The following SORBS2 variants were observed in gnomAD, a reference collection of about 807,000 sequenced individuals.
The protein encoded by SORBS2 is sorbin and SH3 domain containing 2.
SORBS2 carries 46 observed loss-of-function variants against 97.7 expected under a neutral mutation model. That is an observed-to-expected ratio of 0.47 (90% CI 0.37 to 0.60). SORBS2 has a LOEUF of 0.60. Ranked by LOEUF, SORBS2 falls within the 20% of genes least tolerant of loss-of-function variation. The pLI is 0.00. For synonymous variants in SORBS2, 476 were observed against 473.4 expected, an observed-to-expected ratio of 1.01 and a Z score of -0.07; for missense variants, 1,316 against 1,282.3, an observed-to-expected ratio of 1.03 and a Z score of -0.40.
At chr4:185,586,641 T>A (rs2095803968) in exon 15 of SORBS2, 1 of 152,688 alleles carries the variant, frequency 6.5e-6, no homozygotes, top group Non-Finnish European at 1.5e-5. Context: ...TTATATGTTC[T>A]CATACAATCT....
At chr4:185,937,752 A>G (rs75048596) in intron 1 of SORBS2, among the ~76,000 whole-genome samples, 5,782 of 152,254 alleles carry the variant, frequency 0.038, 376 homozygotes, top group African/African-American at 0.13. Flanking sequence ...TGAACACAGA[A>G]TGATGTGAAG....
At chr4:185,912,601 A>G (rs1252807143) in intron 1 of SORBS2, among the ~76,000 whole-genome samples, 3 of 151,172 alleles carry the variant, frequency 2.0e-5, no homozygotes, top group African/African-American at 7.3e-5. Context: ...AAAAAAAAAA[A>G]AAAAAAAAAA....
chr4:185,811,262 A>C (rs777507298), intron 1 of SORBS2, among the ~76,000 whole-genome samples: 3 of 152,226 alleles, frequency 2.0e-5, no homozygotes, highest in African/African-American at 4.8e-5. Flanking sequence ...CGAGGCTTAA[A>C]AAGAAATGCT....
intron 4 of SORBS2, among the ~76,000 whole-genome samples, chr4:185,636,252 T>G (rs1030422333): frequency 6.6e-6 from 1 of 152,210 alleles, no homozygotes; most frequent in African/African-American, 2.4e-5. Context: ...ACATTCACAC[T>G]AAGATACAAA....
intron 2 of SORBS2, among the ~76,000 whole-genome samples, chr4:185,691,195 C>T (rs891638137): frequency 3.3e-5 from 5 of 151,586 alleles, no homozygotes; most frequent in African/African-American, 1.2e-4. Context: ...CCACCGTGCC[C>T]GGCCTGTTTG....
intron 3 of SORBS2, among the ~76,000 whole-genome samples, chr4:185,648,121 TTTTA>T (rs1245226957): frequency 2.0e-5 from 3 of 151,020 alleles, no homozygotes; most frequent in East Asian, 3.9e-4. Flanking sequence ...ATTATAAAAT[TTTTA>T]TTTGTTTTTT....
At chr4:185,668,702 A>C (rs920816680) in intron 4 of SORBS2, among the ~76,000 whole-genome samples, 16 of 152,212 alleles carry the variant, frequency 1.1e-4, no homozygotes, top group African/African-American at 3.6e-4. Context: ...CCTCAAAAAT[A>C]GGGAAAACTG....
chr4:185,833,646 C>T (rs751813094), intron 1 of SORBS2, among the ~76,000 whole-genome samples: 1 of 152,092 alleles, frequency 6.6e-6, no homozygotes, highest in African/African-American at 2.4e-5. Flanking sequence ...CATATTTCTC[C>T]ATATGAAAAA....
rs566389467 is a variant in SORBS2, at chr4:185,597,830, C to G, written c.2797-3895G>C. On this transcript the variant is annotated intron_variant, in intron 12 of 14. Coordinates refer to ENST00000418609, the Ensembl canonical transcript of SORBS2. ...AAGCTGAGAGTTGTTTCTGCTTTAT[C>G]TGCCCCTTTTTATCCAAGTTCCCAA... Among the ~76,000 whole-genome samples the G allele has an allele frequency of 5.3e-5, 8 of 152,288 alleles. No individual in the cohort carries two copies. In the South Asian group the frequency reaches 1.7e-3, roughly 32 times the overall value.
At chr4:185,904,470 T>C (rs986799410) in intron 1 of SORBS2, among the ~76,000 whole-genome samples, 18 of 152,204 alleles carry the variant, frequency 1.2e-4, no homozygotes, top group African/African-American at 4.3e-4. Context: ...CCTGCCTCTC[T>C]GTAAGAACGG....
At chr4:185,950,143 T>C (rs1382335108) in intron 1 of SORBS2, among the ~76,000 whole-genome samples, 3 of 151,330 alleles carry the variant, frequency 2.0e-5, no homozygotes, top group Non-Finnish European at 2.9e-5. Flanking sequence ...TCCCAGTTAC[T>C]AGAAAGGCTG....
intron 1 of SORBS2, among the ~76,000 whole-genome samples, chr4:185,912,517 G>A (rs2099255779): frequency 6.8e-6 from 1 of 147,798 alleles, no homozygotes; most frequent in Non-Finnish European, 1.5e-5. Context: ...CCCAGGAGGT[G>A]GAGGTTGCAG....
intron 1 of SORBS2, among the ~76,000 whole-genome samples, chr4:185,909,031 A>G (rs962715314): frequency 2.6e-5 from 4 of 152,106 alleles, no homozygotes; most frequent in Non-Finnish European, 4.4e-5. Context: ...TATGAATCCA[A>G]CAATCCCACC....
intron 2 of SORBS2, among the ~76,000 whole-genome samples, chr4:185,718,081 A>C (rs1452914687): frequency 6.6e-6 from 1 of 152,176 alleles, no homozygotes; most frequent in Admixed American, 6.5e-5. Flanking sequence ...AAATACAAAA[A>C]TTAGCTGGGT....
chr4:185,912,613 A>G (rs1054235318), intron 1 of SORBS2, among the ~76,000 whole-genome samples: 5 of 132,598 alleles, frequency 3.8e-5, no homozygotes, highest in African/African-American at 5.7e-5. Flanking sequence ...AAAAAAAAAG[A>G]GTTTCTATTT....
At chr4:185,595,028 A>G (rs368504834) in intron 12 of SORBS2, among the ~76,000 whole-genome samples, 3 of 152,194 alleles carry the variant, frequency 2.0e-5, no homozygotes, top group East Asian at 3.8e-4. Flanking sequence ...CCAATTGTCC[A>G]TAGAAACCCC....
intron 1 of SORBS2, among the ~76,000 whole-genome samples, chr4:185,852,882 T>A (rs2099218724): frequency 6.6e-6 from 1 of 152,158 alleles, no homozygotes; most frequent in Non-Finnish European, 1.5e-5. Flanking sequence ...ACCACGCAAA[T>A]CACCACTTGA....
intron 1 of SORBS2, among the ~76,000 whole-genome samples, chr4:185,908,853 C>A (rs778510388): frequency 6.6e-6 from 1 of 151,794 alleles, no homozygotes; most frequent in African/African-American, 2.4e-5. Flanking sequence ...ATAACCCTTG[C>A]ATAACATATA....
At position 185,809,392 on chromosome 4, in the gene SORBS2, G is replaced by A. The variant is rs1264685453; in HGVS notation, c.-337-34026C>T. Among the ~76,000 whole-genome samples the A allele has an allele frequency of 3.2e-5, 4 of 124,656 alleles. No individual in the cohort carries two copies. The Admixed American group carries it at 4.4e-4, about 14-fold the overall frequency. The allele number at this position is 124,656 out of a possible 152,430, so 81.8% of individuals were successfully genotyped here. Reference sequence around the variant, plus strand: ...GTCTAGCTGGACTTGAAGGGCGTATGAAAGCAGCTGTCCTTGCAGGGGAGA... The same window carrying A: ...GTCTAGCTGGACTTGAAGGGCGTATAAAAGCAGCTGTCCTTGCAGGGGAGA... On this transcript the variant is annotated intron_variant, in intron 1 of 20. Coordinates refer to the SORBS2 transcript ENST00000284776.
Sources: gnomAD v4.1 joint callset for allele counts (sites outside exome capture counted in the v4.1 genomes callset) on GRCh38, gnomAD v4.1.1 for gene constraint, MANE v1.5 for transcripts, NCBI Gene and HGNC (gene_info 2026-07-23, HGNC 2026-07-21) for gene names.